Variants in MACROD2 observed in about 807,000 individuals in gnomAD.
The protein encoded by MACROD2 is ADP-ribose glycohydrolase MACROD2.
In MACROD2, 36 loss-of-function variants were observed where a neutral mutation model predicts 70.4. The observed-to-expected ratio is 0.51, with a 90% CI of 0.39 to 0.68. The LOEUF (loss-of-function observed/expected upper bound fraction) is 0.68. Among genes scored for constraint, MACROD2 ranks in the 30% least tolerant of loss-of-function variants. The pLI is 0.00. For missense variants in MACROD2, 496 were observed against 538.4 expected (o/e 0.92, Z 0.78); for synonymous variants, 172 against 178.8 (o/e 0.96, Z 0.30).
intron 3 of MACROD2, among the ~76,000 whole-genome samples, chr20:14,290,885 G>A (rs533595311): frequency 6.6e-6 from 1 of 152,312 alleles, no homozygotes; most frequent in East Asian, 1.9e-4. Context: ...AAGCAGGTGT[G>A]TCTTGTTATT....
chr20:14,824,111 A>C (rs148781808), intron 5 of MACROD2, among the ~76,000 whole-genome samples: 111 of 152,218 alleles, frequency 7.3e-4, no homozygotes, highest in African/African-American at 2.5e-3. Flanking sequence ...TGGTAATCAT[A>C]TGTCTGGTGA....
intron 13 of MACROD2, among the ~76,000 whole-genome samples, chr20:15,974,832 C>G (rs2066281662): frequency 6.6e-6 from 1 of 151,862 alleles, no homozygotes; most frequent in Admixed American, 6.6e-5. Flanking sequence ...GGATGGTATG[C>G]ATATGTTATG....
chr20:15,371,314 T>G (rs1443294593), intron 6 of MACROD2, among the ~76,000 whole-genome samples: 1 of 152,138 alleles, frequency 6.6e-6, no homozygotes, highest in African/African-American at 2.4e-5. Context: ...TAGTATCATC[T>G]TAGAGGTTTC....
intron 5 of MACROD2, among the ~76,000 whole-genome samples, chr20:15,058,988 T>C (rs1007137604): frequency 6.6e-6 from 1 of 152,152 alleles, no homozygotes; most frequent in Non-Finnish European, 1.5e-5. Context: ...TGACTCATAG[T>C]GTTATCTATG....
intron 15 of MACROD2, among the ~76,000 whole-genome samples, chr20:16,040,871 A>G (rs1339479737): frequency 2.0e-5 from 3 of 151,976 alleles, no homozygotes; most frequent in African/African-American, 7.2e-5. Context: ...ACACCCACCC[A>G]TGCATACAGA....
At chr20:15,997,984 T>A (rs1229883030) in intron 15 of MACROD2, among the ~76,000 whole-genome samples, 1 of 152,256 alleles carries the variant, frequency 6.6e-6, no homozygotes, top group Non-Finnish European at 1.5e-5. Flanking sequence ...ATTTTGTTAA[T>A]GTGGTATATC....
intron 13 of MACROD2, among the ~76,000 whole-genome samples, chr20:15,985,212 GT>G (rs2066461783): frequency 6.6e-6 from 1 of 151,892 alleles, no homozygotes; most frequent in African/African-American, 2.4e-5. Context: ...TTTTGTTTTT[GT>G]TTTTTCTCCT....
Position 14,470,919 on chromosome 20 carries a change from C to T in MACROD2, c.272-22560C>T, listed in dbSNP as rs192351542. Reference sequence around the variant, plus strand: ...TGGTTCCCTGGCTTCAGCCCCCTTTCCAGGGAAGTGAACAGTTCTGTCTTG... The same window carrying T: ...TGGTTCCCTGGCTTCAGCCCCCTTTTCAGGGAAGTGAACAGTTCTGTCTTG... On this transcript the variant is annotated intron_variant, in intron 3 of 17. Coordinates refer to ENST00000684519, the MANE Select transcript of MACROD2 (RefSeq NM_001351661.2). Among the ~76,000 whole-genome samples the T allele has an allele frequency of 2.6e-3, 401 of 152,248 alleles. 2 individuals are homozygous for T. The highest frequency in any genetic ancestry group is 4.6e-3 in the Non-Finnish European group (313 of 68,022).
chr20:14,355,835 C>T (rs1414901321), intron 3 of MACROD2, among the ~76,000 whole-genome samples: 2 of 152,138 alleles, frequency 1.3e-5, no homozygotes, highest in Non-Finnish European at 2.9e-5. Context: ...GGCTATTTTT[C>T]ATTTCAGCCT....
chr20:14,320,762 A>G (rs1383821851), intron 3 of MACROD2, among the ~76,000 whole-genome samples: 1 of 150,186 alleles, frequency 6.7e-6, no homozygotes, highest in African/African-American at 2.5e-5. Context: ...ATCAGACCCC[A>G]ATAAAACCTC....
intron 6 of MACROD2, among the ~76,000 whole-genome samples, chr20:15,284,548 G>A (rs557446276): frequency 5.9e-5 from 9 of 152,166 alleles, no homozygotes; most frequent in Admixed American, 5.2e-4. Flanking sequence ...TGTGATATTT[G>A]CAGTCTTTGA....
chr20:15,653,174 G>T (rs1022895563), intron 8 of MACROD2, among the ~76,000 whole-genome samples: 3 of 152,132 alleles, frequency 2.0e-5, no homozygotes, highest in African/African-American at 7.2e-5. Flanking sequence ...AGAGGTAATT[G>T]CCATCTGCAT....
At chr20:14,934,052 C>T (rs1173118113) in intron 5 of MACROD2, 3 of 152,040 alleles carry the variant, frequency 2.0e-5, no homozygotes, top group Admixed American at 6.6e-5. Flanking sequence ...TAGGTAGAAC[C>T]GGGACTTAAT....
chr20:15,327,763 G>A (rs1041744274), intron 6 of MACROD2, among the ~76,000 whole-genome samples: 22 of 151,980 alleles, frequency 1.4e-4, no homozygotes, highest in African/African-American at 5.3e-4. Context: ...ATATTTTGGG[G>A]TAGTGTGTCC....
chr20:16,002,135 T>C (rs528864493), intron 15 of MACROD2, among the ~76,000 whole-genome samples: 18 of 152,104 alleles, frequency 1.2e-4, no homozygotes, highest in Non-Finnish European at 2.6e-4. Context: ...AATAAGTAGA[T>C]CTCAAAGTTA....
At chr20:15,720,998 TG>T (rs1476519617) in intron 8 of MACROD2, among the ~76,000 whole-genome samples, 1 of 152,160 alleles carries the variant, frequency 6.6e-6, no homozygotes, top group African/African-American at 2.4e-5. Flanking sequence ...GGTCAGATAT[TG>T]GGGGGTTAAT....
intron 5 of MACROD2, chr20:14,894,799 A>G (rs2073808023): frequency 6.6e-6 from 1 of 152,110 alleles, no homozygotes; most frequent in Non-Finnish European, 1.5e-5. Context: ...TGTGTGTGTG[A>G]TGTTTACTGA....
chr20:14,453,591 G>A (rs894114697), intron 3 of MACROD2, among the ~76,000 whole-genome samples: 4 of 152,016 alleles, frequency 2.6e-5, no homozygotes, highest in Non-Finnish European at 4.4e-5. Context: ...TTGATGTGTC[G>A]AATGTTGGAC....
intron 13 of MACROD2, among the ~76,000 whole-genome samples, chr20:15,982,859 C>T (rs1036592783): frequency 1.3e-5 from 2 of 152,136 alleles, no homozygotes; most frequent in African/African-American, 4.8e-5. Flanking sequence ...TTATCTGCTT[C>T]TTGTGCTAAC....
Sources: gnomAD v4.1 joint callset for allele counts (sites outside exome capture counted in the v4.1 genomes callset) on GRCh38, gnomAD v4.1.1 for gene constraint, MANE v1.5 for transcripts, NCBI Gene and HGNC (gene_info 2026-07-23, HGNC 2026-07-21) for gene names.